Variants in NEXMIF observed in about 807,000 individuals in gnomAD.
NEXMIF encodes XLMR protein related to neurite extension.
A neutral mutation model predicts 62.1 loss-of-function variants in NEXMIF; 8 were observed. That is an observed-to-expected ratio of 0.13 (90% confidence interval 0.08 to 0.23). NEXMIF has a LOEUF of 0.23. NEXMIF is among the 10% of genes least tolerant of loss of function. The pLI is 1.00. For missense variants in NEXMIF, 976 were observed against 1,113.3 expected (o/e 0.88, Z 1.75); for synonymous variants, 404 against 416.6 (o/e 0.97, Z 0.37).
At position 74,740,284 on chromosome X, in the gene NEXMIF, T is replaced by C. The variant is rs2147438800; in HGVS notation, c.4273A>G (p.Thr1425Ala). ...MPGYNEDSRSTFFDKKYSNMS... is the reference protein window; with the variant it reads ...MPGYNEDSRSAFFDKKYSNMS... ...TTACTATACTTTTTATCAAAGAAGG[T>C]AGAGCGAGAGTCCTCGTTATAACCA... The change falls in exon 3 of 4, where the codon ACC becomes GCC. Residue 1425 changes from threonine to alanine, a missense_variant. Thr to Ala is a moderately conservative substitution (Grantham distance 58). This residue lies in a region of NEXMIF where 137 missense variants were observed against 128.9 expected (regional missense o/e 1.06). Coordinates refer to ENST00000055682, the MANE Select transcript of NEXMIF (RefSeq NM_001008537.3). The C allele has an allele frequency of 3.3e-6, 4 of 1,211,243 alleles. No individual in the cohort carries two copies. Among genetic ancestry groups the C allele is most frequent in the South Asian group, 3.5e-5 (2 of 56,962 alleles).
intron 1 of NEXMIF, among the ~76,000 whole-genome samples, chrX:74,877,212 G>A (rs963346884): frequency 9.0e-6 from 1 of 110,924 alleles, no homozygotes; most frequent in Admixed American, 9.6e-5. Context: ...CTCAGCATTT[G>A]CTTATCTGTA....
chrX:74,881,638 C>A (rs1196598624), intron 1 of NEXMIF, among the ~76,000 whole-genome samples: 2 of 111,994 alleles, frequency 1.8e-5, no homozygotes, highest in Non-Finnish European at 3.8e-5. Context: ...GCCAGTAGCA[C>A]CCCCCAACCC....
intron 1 of NEXMIF, among the ~76,000 whole-genome samples, chrX:74,780,422 G>C (rs1309097143): frequency 9.2e-6 from 1 of 108,430 alleles, no homozygotes; most frequent in East Asian, 2.9e-4. Flanking sequence ...TGTCACCCAG[G>C]CTGGAGTGCA....
chrX:74,775,672 A>G (rs2080226690), intron 1 of NEXMIF, among the ~76,000 whole-genome samples: 1 of 111,742 alleles, frequency 8.9e-6, no homozygotes. Flanking sequence ...GTTTGCTGCT[A>G]CTTCTTACCC....
chrX:74,754,564 C>T (rs764200953), intron 1 of NEXMIF, among the ~76,000 whole-genome samples: 7 of 110,487 alleles, frequency 6.3e-5, no homozygotes, highest in Middle Eastern at 4.7e-3. Context: ...ACCTCGGCCT[C>T]CCAAAGTGCT....
intron 3 of NEXMIF, 158 bp downstream of exon 3, chrX:74,739,942 C>CT: frequency 2.1e-6 from 1 of 487,112 alleles, no homozygotes; most frequent in Admixed American, 4.0e-5. Flanking sequence ...TTTTCATGCA[C>CT]TTTAAAATTT....
In NEXMIF at chrX:74,742,257, G is replaced by C; in HGVS notation, c.2300C>G (p.Thr767Arg). 1 of 1,211,506 alleles carries C rather than the reference G, an allele frequency of 8.3e-7. No homozygotes were observed. The highest frequency in any genetic ancestry group is 1.8e-5 in the South Asian group (1 of 56,981). The change falls in exon 3 of 4, where the codon ACA (threonine) becomes AGA (arginine). Residue 767 changes from threonine (T) to arginine (R), a missense_variant. Physicochemically the swap from Thr to Arg is moderately conservative, Grantham distance 71 (BLOSUM62 -1). This residue lies in a region of NEXMIF where 639 missense variants were observed against 694.5 expected (regional missense o/e 0.92). Transcript: ENST00000055682. ...ANLKNEVIPG[T>R]SNSSRLSEFH... Reference sequence around the variant, plus strand: ...TTCAGATAGACGGGAACTGTTTGATGTCCCAGGAATAACTTCATTCTTTAA... The same window carrying C: ...TTCAGATAGACGGGAACTGTTTGATCTCCCAGGAATAACTTCATTCTTTAA...
At chrX:74,868,934 C>T (rs778042880) in intron 1 of NEXMIF, among the ~76,000 whole-genome samples, 5 of 111,351 alleles carry the variant, frequency 4.5e-5, no homozygotes, top group Non-Finnish European at 9.4e-5. Flanking sequence ...ACTACTCCAA[C>T]TATTCCAATA....
At chrX:74,859,488 C>T (rs1392549321) in intron 1 of NEXMIF, among the ~76,000 whole-genome samples, 1 of 111,492 alleles carries the variant, frequency 9.0e-6, no homozygotes, top group Non-Finnish European at 1.9e-5. Flanking sequence ...AATACCAGAC[C>T]TGTATACAAG....
intron 1 of NEXMIF, among the ~76,000 whole-genome samples, chrX:74,855,835 C>T (rs1310131076): frequency 8.9e-6 from 1 of 112,074 alleles, no homozygotes; most frequent in Non-Finnish European, 1.9e-5. Flanking sequence ...CTAACCTAAC[C>T]AAGCAAAGAT....
chrX:74,791,693 G>T lies in NEXMIF; in HGVS notation c.-47-45996C>A, dbSNP rs1340265080. ...CTATTCAGAGATTCAACTTCTTCCT[G>T]GTTTAGTCTTGGGAGAGTGTATGTG... On this transcript the variant is annotated intron_variant, in intron 1 of 3. Transcript: ENST00000055682. 4.1e-4 allele frequency among the ~76,000 whole-genome samples: 45 copies of T among 109,729 alleles called. No homozygotes were observed. The Admixed American group carries it at 4.3e-3, about 10-fold the overall frequency.
At chrX:74,782,483 A>G (rs2046117791) in intron 1 of NEXMIF, among the ~76,000 whole-genome samples, 1 of 111,124 alleles carries the variant, frequency 9.0e-6, no homozygotes, top group Non-Finnish European at 1.9e-5. Context: ...AGAAAGCCCT[A>G]AGTCCTCCCT....
At chrX:74,790,624 C>T (rs2080278089) in intron 1 of NEXMIF, among the ~76,000 whole-genome samples, 1 of 113,464 alleles carries the variant, frequency 8.8e-6, no homozygotes, top group South Asian at 3.5e-4. Context: ...AATGTTCTTC[C>T]ATTTGTTTGT....
intron 1 of NEXMIF, among the ~76,000 whole-genome samples, chrX:74,923,437 C>T: frequency 8.9e-6 from 1 of 112,153 alleles, no homozygotes; most frequent in Middle Eastern, 4.6e-3. Context: ...TTTGATTAGC[C>T]GGTTTCCCAG....
intron 1 of NEXMIF, among the ~76,000 whole-genome samples, chrX:74,904,965 A>AGTGGTT (rs1163136454): frequency 1.8e-5 from 2 of 111,549 alleles, no homozygotes; most frequent in Non-Finnish European, 3.8e-5. Flanking sequence ...GAACCTTTGC[A>AGTGGTT]AATCAAGTCT....
chrX:74,796,228 TAATATA>T (rs1331304696), intron 1 of NEXMIF, among the ~76,000 whole-genome samples: 1 of 60,181 alleles, frequency 1.7e-5, no homozygotes, highest in Non-Finnish European at 3.0e-5. Flanking sequence ...TATACATATA[TAATATA>T]TATATATATA....
At chrX:74,876,976 A>G (rs1448869733) in intron 1 of NEXMIF, among the ~76,000 whole-genome samples, 1 of 111,377 alleles carries the variant, frequency 9.0e-6, no homozygotes, top group East Asian at 2.8e-4. Flanking sequence ...TAATTGGAGC[A>G]TTTAGTCCAT....
intron 1 of NEXMIF, among the ~76,000 whole-genome samples, chrX:74,879,566 C>T (rs1021641926): frequency 1.8e-5 from 2 of 112,101 alleles, no homozygotes; most frequent in African/African-American, 6.5e-5. Flanking sequence ...TATACAAGAA[C>T]ACCTGGAAGC....
At chrX:74,854,546 C>A (rs887983890) in intron 1 of NEXMIF, among the ~76,000 whole-genome samples, 2 of 111,732 alleles carry the variant, frequency 1.8e-5, no homozygotes, top group East Asian at 5.6e-4. Context: ...CACCACTCAC[C>A]ACTTGGCTAG....
Sources: allele counts gnomAD v4.1 joint callset (sites outside exome capture counted in the v4.1 genomes callset), GRCh38; gene constraint gnomAD v4.1.1; regional missense constraint gnomAD v4.1.1; transcripts MANE v1.5; gene names NCBI Gene and HGNC (gene_info 2026-07-23, HGNC 2026-07-21).